Variants in ARMH3 observed in about 807,000 individuals in gnomAD.
The protein encoded by ARMH3 is armadillo like helical domain containing 3.
Under a neutral mutation model 99.1 loss-of-function variants are expected in ARMH3, and 60 were observed. The observed-to-expected ratio is 0.61, with a 90% CI of 0.49 to 0.75. The LOEUF is 0.75. ARMH3 is among the 30% of genes least tolerant of loss of function. The probability of loss-of-function intolerance (pLI) is 0.00; values close to 1 mark genes in which losing one functional copy is unlikely to be tolerated. For missense variants in ARMH3, 679 were observed against 843.1 expected (o/e 0.81, Z 2.41); for synonymous variants, 285 against 292.8 (o/e 0.97, Z 0.27).
intron 5 of ARMH3, 105 bp from the exon 6 acceptor site, chr10:102,025,353 GCAA>G (rs1363674235): frequency 6.2e-6 from 5 of 804,644 alleles, no homozygotes; most frequent in East Asian, 5.0e-5. Context: ...ACACAATAAA[GCAA>G]CAACATCATT....
At chr10:101,869,008 G>A (rs1244809493) in intron 24 of ARMH3, among the ~76,000 whole-genome samples, 1 of 150,896 alleles carries the variant, frequency 6.6e-6, no homozygotes, top group Non-Finnish European at 1.5e-5. Context: ...GGAGGCAGAG[G>A]TTGCAGTGAG....
At chr10:101,880,313 TCA>T (rs1216591673) in intron 24 of ARMH3, among the ~76,000 whole-genome samples, 1 of 152,192 alleles carries the variant, frequency 6.6e-6, no homozygotes, top group Non-Finnish European at 1.5e-5. Flanking sequence ...ACAGGAATTC[TCA>T]GAGTGGGCTG....
chr10:102,021,108 G>C (rs1219973460), intron 8 of ARMH3, among the ~76,000 whole-genome samples: 1 of 152,032 alleles, frequency 6.6e-6, no homozygotes, highest in African/African-American at 2.4e-5. Context: ...ACAGGATGTG[G>C]CTTTGTCACC....
intron 23 of ARMH3, among the ~76,000 whole-genome samples, chr10:101,939,261 T>C (rs1384394273): frequency 6.6e-6 from 1 of 152,062 alleles, no homozygotes; most frequent in Non-Finnish European, 1.5e-5. Flanking sequence ...CGAATTTAGG[T>C]TTCCCAATGG....
chr10:102,043,074 A>C (rs2067461771), intron 1 of ARMH3, among the ~76,000 whole-genome samples: 1 of 152,232 alleles, frequency 6.6e-6, no homozygotes, highest in African/African-American at 2.4e-5. Flanking sequence ...CTCCATCTCT[A>C]AGAAAAAGTA....
At chr10:101,909,202 T>C (rs1389781488) in intron 23 of ARMH3, among the ~76,000 whole-genome samples, 1 of 150,516 alleles carries the variant, frequency 6.6e-6, no homozygotes, top group East Asian at 2.0e-4. Flanking sequence ...AGGCCAGGAG[T>C]TGGAGACCAG....
chr10:101,968,641 T>G (rs935150939), intron 20 of ARMH3, among the ~76,000 whole-genome samples: 1 of 152,208 alleles, frequency 6.6e-6, no homozygotes, highest in Non-Finnish European at 1.5e-5. Flanking sequence ...CTTGCTCTTT[T>G]GGGGGCTTTT....
intron 19 of ARMH3, among the ~76,000 whole-genome samples, chr10:101,985,293 C>CACGTATATATACATGTATATACAT (rs1846443623): frequency 7.8e-6 from 1 of 127,932 alleles, no homozygotes; most frequent in Non-Finnish European, 1.7e-5. Context: ...CGTATATACA[C>CACGTATATATACATGTATATACAT]ACGTATATAT....
intron 22 of ARMH3, among the ~76,000 whole-genome samples, chr10:101,944,454 A>G (rs1259870626): frequency 6.6e-6 from 1 of 151,718 alleles, no homozygotes; most frequent in Non-Finnish European, 1.5e-5. Context: ...AAGCAAAATA[A>G]AGAAAACCAC....
intron 19 of ARMH3, among the ~76,000 whole-genome samples, chr10:101,989,143 C>G (rs1344476514): frequency 6.6e-6 from 1 of 152,146 alleles, no homozygotes; most frequent in Non-Finnish European, 1.5e-5. Context: ...TATTTGAGAT[C>G]ACATTAATGT....
At chr10:101,987,944 CTT>C (rs1486375970) in intron 19 of ARMH3, among the ~76,000 whole-genome samples, 1 of 152,164 alleles carries the variant, frequency 6.6e-6, no homozygotes. Flanking sequence ...CTTTAACACT[CTT>C]TAAGAAAAGC....
At chr10:101,980,977 C>A (rs979962908) in intron 19 of ARMH3, among the ~76,000 whole-genome samples, 2 of 151,448 alleles carry the variant, frequency 1.3e-5, no homozygotes, top group Non-Finnish European at 2.9e-5. Context: ...CCAAACACTG[C>A]ATGCTCTCAC....
At chr10:101,883,931 T>C (rs753707054) in intron 24 of ARMH3, among the ~76,000 whole-genome samples, 7 of 151,820 alleles carry the variant, frequency 4.6e-5, no homozygotes, top group Non-Finnish European at 8.8e-5. Flanking sequence ...AGGTCGAGGC[T>C]GTAGTAAATT....
intron 20 of ARMH3, among the ~76,000 whole-genome samples, chr10:101,960,178 C>CAA (rs929275336): frequency 7.1e-6 from 1 of 141,056 alleles, no homozygotes; most frequent in Non-Finnish European, 1.6e-5. Flanking sequence ...ACTCCTTCTC[C>CAA]AAAAAAAAAA....
chr10:101,918,142 C>T (rs1258194676), intron 23 of ARMH3, among the ~76,000 whole-genome samples: 1 of 152,092 alleles, frequency 6.6e-6, no homozygotes, highest in Non-Finnish European at 1.5e-5. Context: ...CAACCTGCAC[C>T]TCCCGGCTTC....
intron 19 of ARMH3, among the ~76,000 whole-genome samples, chr10:101,985,164 AC>A (rs1412155356): frequency 2.0e-5 from 3 of 150,388 alleles, no homozygotes; most frequent in South Asian, 2.1e-4. Flanking sequence ...ATGTATATAT[AC>A]GTGTACACAT....
chr10:101,944,290 A>C (rs1262277963), intron 22 of ARMH3, among the ~76,000 whole-genome samples: 16 of 72,586 alleles, frequency 2.2e-4, no homozygotes, highest in Admixed American at 4.1e-4. Context: ...AGAGAGAGAG[A>C]GAGAGAGAGA....
chr10:101,944,251 T>C (rs1844377132), intron 22 of ARMH3, among the ~76,000 whole-genome samples: 1 of 44,926 alleles, frequency 2.2e-5, no homozygotes, highest in Admixed American at 2.7e-4. Flanking sequence ...CCTATATATA[T>C]ATATATATAT....
chr10:102,013,904 T>C (rs2066684453), intron 9 of ARMH3, 64 bp downstream of exon 9: 2 of 1,339,958 alleles, frequency 1.5e-6, no homozygotes, highest in East Asian at 2.3e-5. Context: ...AAATGTACTT[T>C]CACTGAAAGT....
Sources: gnomAD v4.1 joint callset for allele counts (sites outside exome capture counted in the v4.1 genomes callset) on GRCh38, gnomAD v4.1.1 for gene constraint, MANE v1.5 for transcripts, NCBI Gene and HGNC (gene_info 2026-07-23, HGNC 2026-07-21) for gene names.